TRIM24: variants seen among roughly 807,000 people sequenced by gnomAD.
The protein encoded by TRIM24 is transcription intermediary factor 1-alpha.
TRIM24 carries 29 observed loss-of-function variants against 123.9 expected under a neutral mutation model. That is an observed-to-expected ratio of 0.23 (90% CI 0.17 to 0.32). The LOEUF is 0.32. Ranked by LOEUF, TRIM24 falls within the 10% of genes least tolerant of loss-of-function variation. The probability of loss-of-function intolerance (pLI) is 1.00; values close to 1 mark genes in which losing one functional copy is unlikely to be tolerated. For synonymous variants in TRIM24, 456 were observed against 461.1 expected, an observed-to-expected ratio of 0.99 and a Z score of 0.14; for missense variants, 932 against 1,295.3, an observed-to-expected ratio of 0.72 and a Z score of 4.31.
chr7:138,462,338 CTTTTTTTTTTT>C (rs34920255), intron 1 of TRIM24, among the ~76,000 whole-genome samples: 2 of 124,414 alleles, frequency 1.6e-5, no homozygotes, highest in African/African-American at 3.0e-5. Context: ...GTGCAAAAAT[CTTTTTTTTTTT>C]TTTTTTTTTG....
At chr7:138,482,242 C>T (rs1795545303) in intron 1 of TRIM24, among the ~76,000 whole-genome samples, 1 of 152,266 alleles carries the variant, frequency 6.6e-6, no homozygotes, top group East Asian at 1.9e-4. Flanking sequence ...GGCCCACATT[C>T]TCTTTACAGT....
intron 16 of TRIM24, 36 bp from the exon 17 acceptor site, chr7:138,581,660 TA>T: frequency 6.6e-7 from 1 of 1,520,162 alleles, no homozygotes. Flanking sequence ...CATTGTTTTA[TA>T]ATATTTTATC....
At chr7:138,460,982 C>T in intron 1 of TRIM24, 70 bp downstream of exon 1, 2 of 1,317,934 alleles carry the variant, frequency 1.5e-6, no homozygotes, top group South Asian at 1.8e-5. Context: ...CCTTGTGCGG[C>T]GCGACCCGCT....
chr7:138,466,181 G>A (rs368518384), intron 1 of TRIM24, among the ~76,000 whole-genome samples: 2 of 152,112 alleles, frequency 1.3e-5, no homozygotes, highest in African/African-American at 2.4e-5. Context: ...TTTTAGTAGA[G>A]ACAGGGTTTC....
In TRIM24 at chr7:138,583,895, A is replaced by G; in HGVS notation, c.2839A>G (p.Thr947Ala). 3 of 1,598,158 alleles carry G rather than the reference A, an allele frequency of 1.9e-6. No individual in the cohort carries two copies. The highest frequency in any genetic ancestry group is 1.4e-5 in the African/African-American group (1 of 74,020). The change falls in exon 18 of 19, where the codon ACC becomes GCC. Residue 947 changes from threonine (T) to alanine (A), a missense_variant. Transcript: ENST00000343526. ...AATTAAAAATCCAATGGATTTGTCA[A>G]CCATCAAGAAAAGACTACAAGAAGA... is the stretch of plus-strand genomic sequence containing the variant. Reference protein sequence around the residue: ...KIIKNPMDLSTIKKRLQEDYS... With the variant: ...KIIKNPMDLSAIKKRLQEDYS...
At chr7:138,478,981 C>A (rs1795466449) in intron 1 of TRIM24, among the ~76,000 whole-genome samples, 1 of 152,134 alleles carries the variant, frequency 6.6e-6, no homozygotes, top group African/African-American at 2.4e-5. Flanking sequence ...GTTAAGGCTC[C>A]ATCCTTGACT....
At chr7:138,484,756 C>A (rs888714813) in intron 1 of TRIM24, among the ~76,000 whole-genome samples, 3 of 152,042 alleles carry the variant, frequency 2.0e-5, no homozygotes, top group African/African-American at 7.2e-5. Flanking sequence ...ATGATACTTA[C>A]AATCCCTGTG....
At chr7:138,483,926 C>T (rs1250859915) in intron 1 of TRIM24, among the ~76,000 whole-genome samples, 1 of 152,096 alleles carries the variant, frequency 6.6e-6, no homozygotes, top group Non-Finnish European at 1.5e-5. Flanking sequence ...TTAAGGGACC[C>T]TCTCTGTGGA....
intron 9 of TRIM24, among the ~76,000 whole-genome samples, chr7:138,566,562 T>A (rs1457720663): frequency 6.6e-6 from 1 of 152,176 alleles, no homozygotes; most frequent in East Asian, 1.9e-4. Context: ...TAAGTTGTAA[T>A]TACTCAGTAT....
At position 138,559,684 on chromosome 7, in the gene TRIM24, G is replaced by A. The variant is rs147562488; in HGVS notation, c.1530+4718G>A. Among the ~76,000 whole-genome samples the A allele has an allele frequency of 7.7e-3, 1,170 of 152,268 alleles. 15 individuals are homozygous for A. Among genetic ancestry groups the A allele is most frequent in the South Asian group, 0.045 (216 of 4,820 alleles). On this transcript the variant is annotated intron_variant, in intron 9 of 18. Transcript: ENST00000343526. ...CCTGGTCCCACCGTAGGATCAGCTG[G>A]GTCAGATGGTCTGGGTCCTGTTGGC... is the stretch of plus-strand genomic sequence containing the variant.
At chr7:138,576,307 A>G (rs772436390) in intron 12 of TRIM24, 66 bp from the exon 13 acceptor site, 1 of 1,442,196 alleles carries the variant, frequency 6.9e-7, no homozygotes, top group Non-Finnish European at 9.7e-7. Flanking sequence ...AAGTGAACAC[A>G]TTCAACAGGA....
chr7:138,468,937 T>A (rs1209513508), intron 1 of TRIM24, among the ~76,000 whole-genome samples: 1 of 152,244 alleles, frequency 6.6e-6, no homozygotes, highest in African/African-American at 2.4e-5. Context: ...CCATGAACCA[T>A]GATCACAAAA....
intron 10 of TRIM24, 52 bp downstream of exon 10, chr7:138,567,706 C>A: frequency 6.7e-7 from 1 of 1,490,706 alleles, no homozygotes; most frequent in Non-Finnish European, 9.0e-7. Flanking sequence ...TTTCTACTTT[C>A]AAATCACAAA....
chr7:138,490,432 C>T (rs576540154), intron 1 of TRIM24: 10 of 155,962 alleles, frequency 6.4e-5, no homozygotes, highest in African/African-American at 2.4e-4. Flanking sequence ...AAGAGGCGCT[C>T]TGGTTTTTAG....
chr7:138,504,217 C>A, intron 1 of TRIM24, 73 bp from the exon 2 acceptor site: 2 of 893,754 alleles, frequency 2.2e-6, no homozygotes, highest in Non-Finnish European at 3.2e-6. Flanking sequence ...AACAAAGTCA[C>A]AGTTTGAGAT....
chr7:138,468,397 T>TC (rs1309831152), intron 1 of TRIM24, among the ~76,000 whole-genome samples: 1 of 152,182 alleles, frequency 6.6e-6, no homozygotes, highest in Non-Finnish European at 1.5e-5. Context: ...TGCCCTTTTT[T>TC]AAGGTGAAAT....
chr7:138,466,811 G>C (rs1305659363), intron 1 of TRIM24, among the ~76,000 whole-genome samples: 2 of 152,084 alleles, frequency 1.3e-5, no homozygotes, highest in East Asian at 3.9e-4. Flanking sequence ...ATTAAGTCTG[G>C]TTTATCAATT....
chr7:138,460,823 C>G lies in TRIM24; in HGVS notation c.275C>G (p.Pro92Arg), dbSNP rs1794944917. The change falls in exon 1 of 19, where the codon CCC becomes CGC. Residue 92 changes from proline to arginine, a missense_variant. Pro to Arg is a moderately radical substitution (Grantham distance 103). Coordinates refer to ENST00000343526, the MANE Select transcript of TRIM24 (RefSeq NM_015905.3). ...GCGCCCCAGCGCTACCTCATGCTGC[C>G]CGCGCCCATGCTGGGCTCGGCCGAG... ...LPAPQRYLML[P>R]APMLGSAETP... 6.3e-7 allele frequency: 1 copy of G among 1,579,116 alleles called. No individual in the cohort carries two copies. The highest frequency in any genetic ancestry group is 8.6e-7 in the Non-Finnish European group (1 of 1,167,944).
intron 1 of TRIM24, among the ~76,000 whole-genome samples, chr7:138,485,407 G>C (rs1387390104): frequency 6.6e-6 from 1 of 151,482 alleles, no homozygotes; most frequent in Non-Finnish European, 1.5e-5. Context: ...ACAATGTGCA[G>C]GTTTGTTACA....
Sources: gnomAD v4.1 joint callset for allele counts (sites outside exome capture counted in the v4.1 genomes callset) on GRCh38, gnomAD v4.1.1 for gene constraint, MANE v1.5 for transcripts, NCBI Gene and HGNC (gene_info 2026-07-23, HGNC 2026-07-21) for gene names.